GSPT1: variants seen among roughly 807,000 people sequenced by gnomAD.
GSPT1 encodes the protein G1 to S phase transition 1.
In GSPT1, 20 loss-of-function variants were observed where a neutral mutation model predicts 72.5. That is an observed-to-expected ratio of 0.28 (90% CI 0.19 to 0.40). The LOEUF is 0.40. Among genes scored for constraint, GSPT1 ranks in the 10% least tolerant of loss-of-function variants. The pLI is 1.00. For synonymous variants in GSPT1, 334 were observed against 293.5 expected, an observed-to-expected ratio of 1.14 and a Z score of -1.41; for missense variants, 580 against 811.9, an observed-to-expected ratio of 0.71 and a Z score of 3.47.
At chr16:11,912,572 G>C (rs1021885302) in intron 1 of GSPT1, among the ~76,000 whole-genome samples, 4 of 152,036 alleles carry the variant, frequency 2.6e-5, no homozygotes, top group Admixed American at 6.6e-5. Flanking sequence ...ATTAAAGGTG[G>C]GATGATGCAA....
At chr16:11,887,790 C>T in intron 6 of GSPT1, 40 bp from the exon 7 acceptor site, 14 of 1,355,098 alleles carry the variant, frequency 1.0e-5, no homozygotes, top group Non-Finnish European at 1.5e-5. Flanking sequence ...TTCCTAAGAA[C>T]ATCAGAGTTT....
chr16:11,876,686 T>C (rs1470642449), intron 12 of GSPT1, among the ~76,000 whole-genome samples: 1 of 152,170 alleles, frequency 6.6e-6, no homozygotes, highest in Non-Finnish European at 1.5e-5. Flanking sequence ...GAGGTTGCAG[T>C]GAGCCAAGAT....
intron 1 of GSPT1, among the ~76,000 whole-genome samples, chr16:11,913,433 C>T (rs972889087): frequency 4.6e-5 from 7 of 152,182 alleles, no homozygotes; most frequent in African/African-American, 1.4e-4. Context: ...TACAGGTTTT[C>T]GCATCTCCAA....
At chr16:11,909,113 G>C (rs536490475) in intron 1 of GSPT1, among the ~76,000 whole-genome samples, 11 of 151,382 alleles carry the variant, frequency 7.3e-5, no homozygotes, top group African/African-American at 2.7e-4. Flanking sequence ...CAAGTGAAGC[G>C]ACATACAATT....
intron 1 of GSPT1, among the ~76,000 whole-genome samples, chr16:11,909,584 A>G (rs1480810256): frequency 6.6e-6 from 1 of 152,192 alleles, no homozygotes; most frequent in Non-Finnish European, 1.5e-5. Context: ...CAAGTACTGT[A>G]AAAAGATAAC....
At position 11,915,700 on chromosome 16, in the gene GSPT1, G is replaced by GCCGCCA. The variant is rs1391688050; in HGVS notation, c.15_20dup (p.Gly15_Gly16dup). ...CGCCGCCGCCGCCGCCGCCGCCGCC[G>GCCGCCA]CCGCCACTGCCCGGATCCATGATCG... On this transcript the variant is annotated inframe_insertion, in exon 1 of 15. Coordinates refer to ENST00000434724, the MANE Select transcript of GSPT1 (RefSeq NM_002094.4). The GCCGCCA allele has an allele frequency of 2.0e-6, 3 of 1,486,852 alleles. No homozygotes were observed. The highest frequency in any genetic ancestry group is 1.3e-5 in the South Asian group (1 of 79,918). The allele number at this position is 1,486,852 out of a possible 1,614,324, so 92.1% of individuals were successfully genotyped here.
Position 11,874,454 on chromosome 16 carries a change from CTTTT to C in GSPT1, c.1862-1287_1862-1284del, listed in dbSNP as rs200991035. 9.4e-5 allele frequency among the ~76,000 whole-genome samples: 9 copies of C among 95,930 alleles called. No individual in the cohort carries two copies. The South Asian group carries it at 1.6e-3, about 18-fold the overall frequency. The allele number at this position is 95,930 out of a possible 152,430, so 62.9% of individuals were successfully genotyped here. A position where few individuals can be genotyped will look rare whatever the true frequency, so the allele number is the denominator to read the frequency against. On this transcript the variant is annotated intron_variant, in intron 14 of 14. Transcript: ENST00000434724. ...GTGGAAAACCTAAAAGCCAAGTTAG[CTTTT>C]TTTTTTTTTTTTTTTTTTTTTTTTT...
rs560038179 is a variant in GSPT1 at position 11,869,186 on chromosome 16, C to T, written c.*3933G>A. 5 of 152,300 alleles carry T rather than the reference C, an allele frequency of 3.3e-5. No individual in the cohort carries two copies. The highest frequency in any genetic ancestry group is 1.2e-4 in the African/African-American group (5 of 41,560). The allele number at this position is 152,300 out of a possible 1,614,324, so 9.4% of individuals were successfully genotyped here. On this transcript the variant is annotated 3_prime_UTR_variant, in exon 15 of 15. Transcript: ENST00000434724. ...CGGAATTACTACTGGAAAATAAAAA[C>T]ACTTCCTATTCTTTCTATTCCTATT...
intron 14 of GSPT1, among the ~76,000 whole-genome samples, 185 bp from the exon 15 acceptor site, chr16:11,873,356 GGC>G (rs2053999955): frequency 6.6e-6 from 1 of 151,984 alleles, no homozygotes; most frequent in Non-Finnish European, 1.5e-5. Context: ...TATTTGGGGG[GGC>G]TGGTAAAGAG....
At chr16:11,913,383 G>C (rs2054584809) in intron 1 of GSPT1, among the ~76,000 whole-genome samples, 1 of 152,204 alleles carries the variant, frequency 6.6e-6, no homozygotes, top group Non-Finnish European at 1.5e-5. Context: ...CAAGAAAGTT[G>C]ACCATGCTGT....
At position 11,887,551 on chromosome 16, in the gene GSPT1, C is replaced by G; in HGVS notation, c.957+19G>C. 1.2e-6 allele frequency: 2 copies of G among 1,603,570 alleles called. No individual in the cohort carries two copies. Among genetic ancestry groups the G allele is most frequent in the Non-Finnish European group, 1.7e-6 (2 of 1,171,334 alleles). On this transcript the variant is annotated intron_variant, in intron 7 of 14. Coordinates refer to ENST00000434724, the MANE Select transcript of GSPT1 (RefSeq NM_002094.4). ...GGCTACTAACAAATATACAGATGGA[C>G]TGGAAATGTCTTTCTTACCAGCACA...
intron 1 of GSPT1, among the ~76,000 whole-genome samples, chr16:11,905,740 C>T (rs1009826825): frequency 6.6e-6 from 1 of 152,088 alleles, no homozygotes; most frequent in Admixed American, 6.6e-5. Context: ...GAGGCTGTGG[C>T]GGGAGAATGG....
rs1208694389 is a variant in GSPT1, at chr16:11,904,329, A to G, written c.353-6294T>C. Among the ~76,000 whole-genome samples the G allele has an allele frequency of 2.6e-5, 4 of 152,034 alleles. No homozygotes were observed. In the East Asian group the frequency reaches 7.7e-4, roughly 29 times the overall value. On this transcript the variant is annotated intron_variant, in intron 1 of 14. Transcript: ENST00000434724. Reference sequence around the variant, plus strand: ...GCGATTCCCCTGCCTCAGCCTCCCGAGTAGCTGGGACTACAGGCGCGCGCC... The same window carrying G: ...GCGATTCCCCTGCCTCAGCCTCCCGGGTAGCTGGGACTACAGGCGCGCGCC...
Position 11,892,206 on chromosome 16 carries a change from G to A in GSPT1, c.699-1067C>T, listed in dbSNP as rs1433766491. On this transcript the variant is annotated intron_variant, in intron 5 of 14. Coordinates refer to ENST00000434724, the MANE Select transcript of GSPT1 (RefSeq NM_002094.4). ...AAATATTAAAAAATTGGCCTGGTGT[G>A]GTGATGCATGCCTGTATTCCTAGCT... Among the ~76,000 whole-genome samples the A allele has an allele frequency of 5.9e-5, 9 of 151,794 alleles. No individual in the cohort carries two copies. The East Asian group carries it at 1.2e-3, about 20-fold the overall frequency.
At chr16:11,899,020 A>G (rs1012898601) in intron 1 of GSPT1, among the ~76,000 whole-genome samples, 1 of 152,162 alleles carries the variant, frequency 6.6e-6, no homozygotes, top group Non-Finnish European at 1.5e-5. Context: ...TAATAACCAA[A>G]TATCTAAGTC....
At chr16:11,915,135 G>C (rs1275183885) in intron 1 of GSPT1, 1 of 1,064,904 alleles carries the variant, frequency 9.4e-7, no homozygotes, top group African/African-American at 1.7e-5. Flanking sequence ...GGCGGCACTC[G>C]GGTCCGGGTC....
intron 1 of GSPT1, among the ~76,000 whole-genome samples, chr16:11,911,063 T>C (rs1239735009): frequency 6.6e-6 from 1 of 152,220 alleles, no homozygotes; most frequent in Non-Finnish European, 1.5e-5. Context: ...CTCTACCCCA[T>C]CTGCTGTCCC....
intron 1 of GSPT1, among the ~76,000 whole-genome samples, chr16:11,914,222 A>G (rs941173629): frequency 6.6e-6 from 1 of 152,190 alleles, no homozygotes; most frequent in African/African-American, 2.4e-5. Flanking sequence ...TTCCTAAAAT[A>G]AGCACCATTA....
At chr16:11,885,314 T>A (rs2054174554) in intron 9 of GSPT1, 40 bp from the exon 10 acceptor site, 1 of 952,786 alleles carries the variant, frequency 1.0e-6, no homozygotes, top group Non-Finnish European at 1.7e-6. Flanking sequence ...GAAGTCAACA[T>A]AAATATCAAA....
Sources: gnomAD v4.1 joint callset for allele counts (sites outside exome capture counted in the v4.1 genomes callset) on GRCh38, gnomAD v4.1.1 for gene constraint, MANE v1.5 for transcripts, NCBI Gene and HGNC (gene_info 2026-07-23, HGNC 2026-07-21) for gene names.